AFG1L: variants seen among roughly 807,000 people sequenced by gnomAD.
AFG1L encodes AFG1-like ATPase.
In AFG1L, 53 loss-of-function variants were observed where a neutral mutation model predicts 62.2. The ratio of observed to expected loss-of-function variants is 0.85; its 90% confidence interval spans 0.68 to 1.07. The LOEUF (loss-of-function observed/expected upper bound fraction) is 1.07. AFG1L is among the 50% of genes least tolerant of loss of function. The probability of loss-of-function intolerance (pLI) is 0.00; values close to 1 mark genes in which losing one functional copy is unlikely to be tolerated. For missense variants in AFG1L, 555 were observed against 590.5 expected (o/e 0.94, Z 0.62); for synonymous variants, 228 against 210.3 (o/e 1.08, Z -0.73).
At position 108,356,740 on chromosome 6, in the gene AFG1L, G is replaced by A; in HGVS notation, c.568G>A (p.Ala190Thr). 1 of 1,613,040 alleles carries A rather than the reference G, an allele frequency of 6.2e-7. No individual in the cohort carries two copies. Among genetic ancestry groups the A allele is most frequent in the South Asian group, 1.1e-5 (1 of 90,870 alleles). The stretch of plus-strand genomic sequence containing the variant: ...GCCAAAAAGGAAACCAGGATTCATG[G>A]CTAAATCATATGACCCAATAGCTCC... ...SLPKRKPGFM[A>T]KSYDPIAPIA... The change falls in exon 5 of 13, where the codon GCT becomes ACT. Residue 190 changes from alanine to threonine, a missense_variant. Ala to Thr is a moderately conservative substitution (Grantham distance 58). Transcript: ENST00000368977.
At chr6:108,338,967 C>T (rs904602114) in intron 2 of AFG1L, among the ~76,000 whole-genome samples, 2 of 152,102 alleles carry the variant, frequency 1.3e-5, no homozygotes, top group Non-Finnish European at 2.9e-5. Context: ...GCCTGTCCCC[C>T]TACATCTTTG....
At position 108,360,522 on chromosome 6, in the gene AFG1L, G is replaced by T. The variant is rs1054966412; in HGVS notation, c.648+3702G>T. 5.9e-5 allele frequency among the ~76,000 whole-genome samples: 9 copies of T among 152,178 alleles called. 1 individual carries two copies. Among genetic ancestry groups the T allele is most frequent in the African/African-American group, 2.2e-4 (9 of 41,450 alleles). On this transcript the variant is annotated intron_variant, in intron 5 of 12. Transcript: ENST00000368977. ...TGGGAGACCCTATTCCCCTGAGCAA[G>T]TTTGGCCTGAATGTCCTAGAATGCA...
At chr6:108,323,109 TG>T (rs1360086275) in intron 1 of AFG1L, among the ~76,000 whole-genome samples, 1 of 152,150 alleles carries the variant, frequency 6.6e-6, no homozygotes, top group Non-Finnish European at 1.5e-5. Flanking sequence ...TAAGGAACAG[TG>T]GAAAACCCTT....
chr6:108,447,432 G>T, intron 8 of AFG1L, 136 bp downstream of exon 8: 1 of 558,960 alleles, frequency 1.8e-6, no homozygotes, highest in Non-Finnish European at 3.2e-6. Flanking sequence ...ATGTTCTCAT[G>T]TTAACTTCTT....
intron 2 of AFG1L, among the ~76,000 whole-genome samples, chr6:108,328,256 A>G (rs142540148): frequency 0.01 from 1,560 of 152,330 alleles, 33 homozygotes; most frequent in Middle Eastern, 0.054. Flanking sequence ...AAGTAAAATA[A>G]CAATTTGGTT....
chr6:108,379,000 C>A (rs1483708374), intron 6 of AFG1L, among the ~76,000 whole-genome samples: 1 of 123,066 alleles, frequency 8.1e-6, no homozygotes, highest in South Asian at 2.7e-4. Context: ...TCTCCTTCTT[C>A]TTTTTTTTTT....
At chr6:108,444,900 A>G (rs1216317830) in intron 7 of AFG1L, among the ~76,000 whole-genome samples, 2 of 152,240 alleles carry the variant, frequency 1.3e-5, no homozygotes, top group Non-Finnish European at 2.9e-5. Flanking sequence ...ATTAGCCTCT[A>G]ACAAGAGAGT....
At chr6:108,320,762 G>T (rs1178060087) in intron 1 of AFG1L, among the ~76,000 whole-genome samples, 1 of 152,102 alleles carries the variant, frequency 6.6e-6, no homozygotes, top group Non-Finnish European at 1.5e-5. Context: ...AGAGACCCCT[G>T]CTTCCTTTAA....
chr6:108,364,512 A>G (rs9398169), intron 5 of AFG1L, among the ~76,000 whole-genome samples: 52,577 of 152,084 alleles, frequency 0.35, 11,218 homozygotes, highest in East Asian at 0.63. Flanking sequence ...TTTCAAAGAC[A>G]TTAATCATAC....
At position 108,402,052 on chromosome 6, in the gene AFG1L, A is replaced by T. The variant is rs1338920625; in HGVS notation, c.805A>T (p.Lys269Ter). 1 of 1,482,496 alleles carries T rather than the reference A, an allele frequency of 6.7e-7. No individual in the cohort carries two copies. The highest frequency in any genetic ancestry group is 9.1e-7 in the Non-Finnish European group (1 of 1,100,352). 91.8% of individuals were successfully genotyped at this position (1,482,496 alleles called of 1,614,324 possible). A position where few individuals can be genotyped will look rare whatever the true frequency, so the allele number is the denominator to read the frequency against. ...CTTTGTACCATTCATAGCAGTCTTG[A>T]AGGTAAAAACAAATCATTTATTTGT... Reference protein sequence around the residue: ...ANFVPFIAVLKEYCNTVQLDS... With the variant: ...ANFVPFIAVL Residue 269 changes from lysine to a stop codon, truncating the protein, a stop_gained and splice_region_variant, in exon 7 of 13, where the codon AAG (lysine) becomes TAG (stop). Coordinates refer to ENST00000368977, the MANE Select transcript of AFG1L (RefSeq NM_145315.5). LOFTEE classifies it high-confidence loss of function.
chr6:108,306,774 T>G (rs909783750), intron 1 of AFG1L, among the ~76,000 whole-genome samples: 1 of 152,188 alleles, frequency 6.6e-6, no homozygotes, highest in Non-Finnish European at 1.5e-5. Context: ...GAGATTACTG[T>G]CTACTTTCTG....
chr6:108,443,735 C>T (rs1441433963), intron 7 of AFG1L, among the ~76,000 whole-genome samples: 2 of 151,870 alleles, frequency 1.3e-5, no homozygotes, highest in Non-Finnish European at 2.9e-5. Flanking sequence ...ATTACCGGGG[C>T]ATGGTGACAC....
intron 6 of AFG1L, among the ~76,000 whole-genome samples, chr6:108,391,274 G>T (rs532503830): frequency 6.6e-6 from 1 of 152,146 alleles, no homozygotes; most frequent in East Asian, 1.9e-4. Context: ...CTTTTTTACC[G>T]CATCCACACC....
chr6:108,369,947 G>GCTGGCTATCTATCTAT (rs1554189700), intron 6 of AFG1L, among the ~76,000 whole-genome samples: 1 of 130,154 alleles, frequency 7.7e-6, no homozygotes, highest in Non-Finnish European at 1.6e-5. Flanking sequence ...TGGCTGGCTG[G>GCTGGCTATCTATCTAT]CTATCTATCT....
At chr6:108,330,782 A>C (rs1395227054) in intron 2 of AFG1L, among the ~76,000 whole-genome samples, 1 of 152,208 alleles carries the variant, frequency 6.6e-6, no homozygotes. Context: ...GTGAACTTTA[A>C]ATAACAAATA....
intron 7 of AFG1L, among the ~76,000 whole-genome samples, chr6:108,427,851 T>C (rs1770896669): frequency 1.3e-5 from 2 of 152,198 alleles, no homozygotes; most frequent in Non-Finnish European, 2.9e-5. Flanking sequence ...CAAAGGCTCT[T>C]GTAATTAAAA....
intron 7 of AFG1L, among the ~76,000 whole-genome samples, chr6:108,441,628 G>A (rs1032254642): frequency 2.7e-5 from 4 of 150,106 alleles, no homozygotes; most frequent in Non-Finnish European, 4.4e-5. Flanking sequence ...GCTTCCCCCC[G>A]CCTCCACCCT....
rs1330499719 is a variant in AFG1L, at chr6:108,493,498, G to A, written c.1062+16206G>A. 2.6e-5 allele frequency among the ~76,000 whole-genome samples: 4 copies of A among 152,206 alleles called. No homozygotes were observed. In the South Asian group the frequency reaches 6.2e-4, roughly 24 times the overall value. On this transcript the variant is annotated intron_variant, in intron 10 of 12. Transcript: ENST00000368977. Reference sequence around the variant, plus strand: ...GACTTTCTAACTCTAGAAATATGGAGGGTCTTTCTGAGTGGGGGCTCTGAG... The same window carrying A: ...GACTTTCTAACTCTAGAAATATGGAAGGTCTTTCTGAGTGGGGGCTCTGAG...
intron 3 of AFG1L, among the ~76,000 whole-genome samples, chr6:108,354,345 T>C (rs1206317159): frequency 6.6e-6 from 1 of 152,118 alleles, no homozygotes; most frequent in Non-Finnish European, 1.5e-5. Context: ...GTCTCTCTCT[T>C]GTCGCCCAGG....
Sources: allele counts gnomAD v4.1 joint callset (sites outside exome capture counted in the v4.1 genomes callset), GRCh38; gene constraint gnomAD v4.1.1; transcripts MANE v1.5; gene names NCBI Gene and HGNC (gene_info 2026-07-23, HGNC 2026-07-21).